The following MCTP2 variants were observed in gnomAD, a reference collection of about 807,000 sequenced individuals.
MCTP2 encodes the protein multiple C2 and transmembrane domain containing 2, also known as multiple C2 and transmembrane domain-containing protein 2.
In MCTP2, 132 loss-of-function variants were observed where a neutral mutation model predicts 111.6. The observed-to-expected ratio is 1.18, with a 90% CI of 1.03 to 1.37. The LOEUF (loss-of-function observed/expected upper bound fraction) is 1.37. Among genes scored for constraint, MCTP2 ranks in the 40% most tolerant of loss-of-function variants. MCTP2 has a pLI of 0.00. For synonymous variants in MCTP2, 395 were observed against 387.7 expected, an observed-to-expected ratio of 1.02 and a Z score of -0.22; for missense variants, 1,183 against 1,067.9, an observed-to-expected ratio of 1.11 and a Z score of -1.50.
chr15:94,267,234 C>T (rs961683161), intron 1 of MCTP2, among the ~76,000 whole-genome samples: 4 of 152,168 alleles, frequency 2.6e-5, no homozygotes, highest in African/African-American at 9.7e-5. Context: ...AATTCCTTCC[C>T]CTTAGCAAGC....
intron 18 of MCTP2, among the ~76,000 whole-genome samples, chr15:94,440,544 C>T (rs1315715397): frequency 1.3e-5 from 2 of 152,182 alleles, no homozygotes; most frequent in Non-Finnish European, 2.9e-5. Context: ...TTATCATTTC[C>T]ATGCTGGTAG....
chr15:94,348,797 GT>G (rs1032535142), intron 8 of MCTP2, among the ~76,000 whole-genome samples: 1 of 151,528 alleles, frequency 6.6e-6, no homozygotes, highest in Non-Finnish European at 1.5e-5. Context: ...AATTAATACA[GT>G]TTTTTTTGTT....
At position 94,320,263 on chromosome 15, in the gene MCTP2, C is replaced by T. The variant is rs548548371; in HGVS notation, c.637+4626C>T. Reference sequence around the variant, plus strand: ...GTTCACGCCATTCTCCTGTCTCAGCCTCCCAAGTAGTTGGGACTACAGGCA... The same window carrying T: ...GTTCACGCCATTCTCCTGTCTCAGCTTCCCAAGTAGTTGGGACTACAGGCA... On this transcript the variant is annotated intron_variant, in intron 4 of 22. Transcript: ENST00000357742. 2.0e-5 allele frequency among the ~76,000 whole-genome samples: 3 copies of T among 151,816 alleles called. No homozygotes were observed. The South Asian group carries it at 6.2e-4, about 32-fold the overall frequency.
chr15:94,393,002 G>A (rs1045144713), intron 14 of MCTP2, among the ~76,000 whole-genome samples: 5 of 151,852 alleles, frequency 3.3e-5, no homozygotes, highest in African/African-American at 9.7e-5. Context: ...TCCGTTTTGA[G>A]CAATACAAAA....
chr15:94,320,195 T>C (rs1348360497), intron 4 of MCTP2, among the ~76,000 whole-genome samples: 1 of 145,980 alleles, frequency 6.9e-6, no homozygotes, highest in African/African-American at 2.6e-5. Context: ...CAGGCTGGAG[T>C]GCGGTGGCAC....
At chr15:94,464,239 AATATATATATAT>A (rs1555481312) in intron 20 of MCTP2, among the ~76,000 whole-genome samples, 1 of 89,364 alleles carries the variant, frequency 1.1e-5, no homozygotes, top group South Asian at 3.2e-4. Context: ...TTATATATAT[AATATATATATAT>A]ATATATTATA....
chr15:94,467,002 CAAT>C (rs1425635932), intron 20 of MCTP2, among the ~76,000 whole-genome samples: 1 of 152,036 alleles, frequency 6.6e-6, no homozygotes, highest in Non-Finnish European at 1.5e-5. Context: ...TGTGCAATAA[CAAT>C]GAGAAAAATG....
intron 1 of MCTP2, among the ~76,000 whole-genome samples, chr15:94,244,906 G>A (rs886944331): frequency 7.1e-6 from 1 of 141,728 alleles, no homozygotes; most frequent in African/African-American, 2.6e-5. Context: ...ACATACATAT[G>A]CACCTATGTT....
At chr15:94,301,359 T>G (rs1232363703) in intron 2 of MCTP2, among the ~76,000 whole-genome samples, 3 of 152,154 alleles carry the variant, frequency 2.0e-5, no homozygotes, top group African/African-American at 7.2e-5. Flanking sequence ...CCTGCCTGTT[T>G]GAGTTGGGCC....
chr15:94,319,351 A>G lies in MCTP2; in HGVS notation c.637+3714A>G, dbSNP rs150991887. ...TTTTCAATACAGCATTATTTTCTAC[A>G]AAACCCAACCCAGACTCAGAAGTTT... On this transcript the variant is annotated intron_variant, in intron 4 of 22. Coordinates refer to ENST00000357742, the MANE Select transcript of MCTP2 (RefSeq NM_001385001.1). 3.8e-3 allele frequency among the ~76,000 whole-genome samples: 577 copies of G among 152,318 alleles called. 5 individuals are homozygous for G. Among genetic ancestry groups the G allele is most frequent in the African/African-American group, 0.013 (559 of 41,556 alleles).
chr15:94,274,943 A>G (rs771089979), intron 1 of MCTP2, among the ~76,000 whole-genome samples: 9 of 152,214 alleles, frequency 5.9e-5, no homozygotes, highest in Non-Finnish European at 1.2e-4. Flanking sequence ...CTTAGCAAGT[A>G]GAACTTAGTC....
intron 20 of MCTP2, among the ~76,000 whole-genome samples, chr15:94,466,872 T>A (rs7166457): frequency 0.29 from 43,440 of 152,024 alleles, 6,463 homozygotes; most frequent in Middle Eastern, 0.39. Context: ...ATGGTATTGC[T>A]AGAAAAGGAA....
At chr15:94,278,061 G>A (rs2074303619) in intron 1 of MCTP2, 1 of 152,116 alleles carries the variant, frequency 6.6e-6, no homozygotes, top group Admixed American at 6.5e-5. Context: ...TGGCTTGGGA[G>A]ATGAAAATAT....
chr15:94,440,983 G>A (rs1245943638), intron 18 of MCTP2, among the ~76,000 whole-genome samples: 1 of 152,044 alleles, frequency 6.6e-6, no homozygotes, highest in Non-Finnish European at 1.5e-5. Flanking sequence ...AGGTGGCCAG[G>A]AACTTGTATT....
At chr15:94,390,080 A>ATATATATGTG (rs2080822481) in intron 14 of MCTP2, among the ~76,000 whole-genome samples, 1 of 11,814 alleles carries the variant, frequency 8.5e-5, no homozygotes, top group Admixed American at 1.2e-3. Context: ...ATATATATAT[A>ATATATATGTG]TATATATATG....
At chr15:94,370,208 A>G in intron 12 of MCTP2, 28 bp downstream of exon 12, 2 of 1,550,796 alleles carry the variant, frequency 1.3e-6, no homozygotes, top group Non-Finnish European at 1.8e-6. Flanking sequence ...TTTCTAATTT[A>G]TCTTTATTTA....
At chr15:94,341,391 A>T (rs2077632301) in intron 7 of MCTP2, 1 of 153,080 alleles carries the variant, frequency 6.5e-6, no homozygotes, top group Admixed American at 6.5e-5. Context: ...GATACAAATC[A>T]TAATCTTATT....
Position 94,315,638 on chromosome 15 carries a change from G to C in MCTP2, c.637+1G>C, listed in dbSNP as rs368719680. On this transcript the variant is annotated splice_donor_variant, in intron 4 of 22. Transcript: ENST00000357742. LOFTEE classifies it high-confidence loss of function. ...AACCTGGTTGTCCGAGATCGCTGTG[G>C]TAAGACCTGGGTCTGTTATGGTGGG... 27 of 1,610,636 alleles carry C rather than the reference G, an allele frequency of 1.7e-5. No individual in the cohort carries two copies. Among genetic ancestry groups the C allele is most frequent in the Non-Finnish European group, 2.0e-5 (23 of 1,177,010 alleles).
At chr15:94,422,209 G>A (rs185707418) in intron 17 of MCTP2, among the ~76,000 whole-genome samples, 101 of 152,288 alleles carry the variant, frequency 6.6e-4, no homozygotes, top group Non-Finnish European at 1.2e-3. Flanking sequence ...CCTGTCCACA[G>A]CATGGGTCTT....
Sources: allele counts gnomAD v4.1 joint callset (sites outside exome capture counted in the v4.1 genomes callset), GRCh38; gene constraint gnomAD v4.1.1; transcripts MANE v1.5; gene names NCBI Gene and HGNC (gene_info 2026-07-23, HGNC 2026-07-21).